Variants in RNF182 observed in about 807,000 individuals in gnomAD.
The protein encoded by RNF182 is E3 ubiquitin-protein ligase RNF182.
Under a neutral mutation model 14.4 loss-of-function variants are expected in RNF182, and 15 were observed. That is an observed-to-expected ratio of 1.04 (90% confidence interval 0.70 to 1.60). RNF182 has a LOEUF of 1.60. Among genes scored for constraint, RNF182 ranks in the 40% most tolerant of loss-of-function variants. The probability of loss-of-function intolerance (pLI) is 0.00; values close to 1 mark genes in which losing one functional copy is unlikely to be tolerated. For missense variants in RNF182, 268 were observed against 294.8 expected (o/e 0.91, Z 0.67); for synonymous variants, 128 against 122.9 (o/e 1.04, Z -0.27).
chr6:13,930,901 A>G (rs1758953241), intron 1 of RNF182, among the ~76,000 whole-genome samples: 2 of 152,238 alleles, frequency 1.3e-5, no homozygotes, highest in Admixed American at 1.3e-4. Flanking sequence ...TTGTGTGGAT[A>G]AACCACAATC....
chr6:13,977,732 G>T lies in RNF182; in HGVS notation c.613G>T (p.Val205Leu). 6.2e-6 allele frequency: 10 copies of T among 1,614,128 alleles called. No individual in the cohort carries two copies. The highest frequency in any genetic ancestry group is 7.6e-6 in the Non-Finnish European group (9 of 1,180,028). ...SSLPLGIYLL[V>L]SKKVTLGVVF... is the part of the protein sequence containing the mutation. ...CTTACCCTTAGGAATCTACTTACTGGTGTCTAAGAAAGTCACCCTTGGGGT... is the reference window on the plus strand; with the variant it reads ...CTTACCCTTAGGAATCTACTTACTGTTGTCTAAGAAAGTCACCCTTGGGGT... Residue 205 changes from valine to leucine, a missense_variant, in exon 3 of 3, where the codon GTG becomes TTG. By Grantham distance (32) the Val-to-Leu change is conservative (BLOSUM62 1). Coordinates refer to ENST00000488300, the MANE Select transcript of RNF182 (RefSeq NM_152737.4).
rs569412123 is a variant in RNF182 at position 13,978,443 on chromosome 6, A to G, written c.*580A>G. 6.0e-6 allele frequency: 1 copy of G among 166,276 alleles called. No individual in the cohort carries two copies. The highest frequency in any genetic ancestry group is 2.4e-5 in the African/African-American group (1 of 41,538). The allele number at this position is 166,276 out of a possible 1,614,324, so 10.3% of individuals were successfully genotyped here. A position where few individuals can be genotyped will look rare whatever the true frequency, so the allele number is the denominator to read the frequency against. On this transcript the variant is annotated 3_prime_UTR_variant, in exon 3 of 3. Coordinates refer to ENST00000488300, the MANE Select transcript of RNF182 (RefSeq NM_152737.4). ...CCATTCCCTTGGGTAGTTTCAACTGAATACCAGTTTTGCCACATTACTAAG... is the reference window on the plus strand; with the variant it reads ...CCATTCCCTTGGGTAGTTTCAACTGGATACCAGTTTTGCCACATTACTAAG...
chr6:13,967,470 A>T (rs1265270849), intron 1 of RNF182, among the ~76,000 whole-genome samples: 1 of 152,240 alleles, frequency 6.6e-6, no homozygotes, highest in Non-Finnish European at 1.5e-5. Context: ...ATAACCTTGC[A>T]CATACCTTGA....
intron 2 of RNF182, among the ~76,000 whole-genome samples, chr6:13,974,806 C>CT (rs1426680470): frequency 6.6e-6 from 1 of 152,180 alleles, no homozygotes; most frequent in African/African-American, 2.4e-5. Context: ...CTGTTTTACT[C>CT]TTTTTTTCTG....
intron 1 of RNF182, among the ~76,000 whole-genome samples, chr6:13,940,167 G>A (rs963049432): frequency 3.3e-5 from 5 of 152,102 alleles, no homozygotes; most frequent in South Asian, 2.1e-4. Context: ...CCTTTTTATC[G>A]ATTAAGAAGA....
chr6:13,952,554 G>A (rs900578112), intron 1 of RNF182, among the ~76,000 whole-genome samples: 6 of 152,062 alleles, frequency 3.9e-5, no homozygotes, highest in South Asian at 2.1e-4. Flanking sequence ...TGTATCCTAC[G>A]GTTTATCCAA....
chr6:13,931,453 G>C (rs1046147360), intron 1 of RNF182, among the ~76,000 whole-genome samples: 1 of 152,140 alleles, frequency 6.6e-6, no homozygotes, highest in African/African-American at 2.4e-5. Flanking sequence ...TATCAGGGAT[G>C]AAGTTAGAAG....
chr6:13,948,831 A>G (rs1759504783), intron 1 of RNF182, among the ~76,000 whole-genome samples: 1 of 152,202 alleles, frequency 6.6e-6, no homozygotes, highest in Non-Finnish European at 1.5e-5. Flanking sequence ...AGCTTTCCAA[A>G]TAATGTCTCT....
At chr6:13,943,200 A>G (rs1759343077) in intron 1 of RNF182, among the ~76,000 whole-genome samples, 1 of 152,198 alleles carries the variant, frequency 6.6e-6, no homozygotes. Context: ...ATATTTAATA[A>G]CATATATATC....
chr6:13,978,075 C>CGGCG lies in RNF182; in HGVS notation c.*212_*213insGGCG. On this transcript the variant is annotated 3_prime_UTR_variant, in exon 3 of 3. Transcript: ENST00000488300. Reference sequence around the variant, plus strand: ...GGGTTAGCAAAATTGTATAAGCTCACACTTCATGGAGCACTGACAGCAGTG... The same window carrying CGGCG: ...GGGTTAGCAAAATTGTATAAGCTCACGGCGACTTCATGGAGCACTGACAGCAGTG... 6 of 532,610 alleles carry CGGCG rather than the reference C, an allele frequency of 1.1e-5. No individual in the cohort carries two copies. Among genetic ancestry groups the CGGCG allele is most frequent in the South Asian group, 5.5e-5 (2 of 36,058 alleles). The allele number at this position is 532,610 out of a possible 1,614,324, so 33.0% of individuals were successfully genotyped here.
Position 13,924,957 on chromosome 6 carries a change from C to A in RNF182, c.-433C>A. On this transcript the variant is annotated 5_prime_UTR_variant, in exon 1 of 3. Coordinates refer to ENST00000488300, the MANE Select transcript of RNF182 (RefSeq NM_152737.4). ...CGCGCGAGCTCCTCCTCCACGGGAA[C>A]CTCCCTCCCCTCCCAGGCGCCGCCG... The A allele has an allele frequency of 1.2e-5, 1 of 82,554 alleles. No homozygotes were observed. 5.1% of individuals were successfully genotyped at this position (82,554 alleles called of 1,614,324 possible).
chr6:13,968,511 A>G (rs1760093634), intron 1 of RNF182, among the ~76,000 whole-genome samples: 1 of 152,248 alleles, frequency 6.6e-6, no homozygotes, highest in South Asian at 2.1e-4. Context: ...TTTTATCAGT[A>G]TTTAAACTGT....
At chr6:13,940,772 T>G (rs543352205) in intron 1 of RNF182, among the ~76,000 whole-genome samples, 17 of 152,252 alleles carry the variant, frequency 1.1e-4, no homozygotes, top group African/African-American at 3.6e-4. Context: ...GCTCTTAAAT[T>G]CTGTCACATT....
chr6:13,973,347 T>G (rs1212894930), intron 1 of RNF182, among the ~76,000 whole-genome samples: 1 of 152,142 alleles, frequency 6.6e-6, no homozygotes, highest in Non-Finnish European at 1.5e-5. Context: ...TGAAATGAGT[T>G]AAGACATTGG....
chr6:13,949,392 C>T, intron 1 of RNF182: 2 of 748,064 alleles, frequency 2.7e-6, no homozygotes, highest in Non-Finnish European at 5.0e-6. Context: ...TTCATTTGTA[C>T]ACAAAAAGGC....
intron 1 of RNF182, among the ~76,000 whole-genome samples, chr6:13,957,292 C>T (rs189941606): frequency 1.3e-5 from 2 of 152,252 alleles, no homozygotes; most frequent in Admixed American, 1.3e-4. Flanking sequence ...GGCTGTGTTG[C>T]AAAGTGACAC....
chr6:13,953,696 G>A (rs930793862), intron 1 of RNF182, among the ~76,000 whole-genome samples: 1 of 152,140 alleles, frequency 6.6e-6, no homozygotes, highest in African/African-American at 2.4e-5. Context: ...TAAGGAGTGG[G>A]AATGAGGAAC....
chr6:13,934,055 C>T (rs1003932489), intron 1 of RNF182, among the ~76,000 whole-genome samples: 2 of 152,036 alleles, frequency 1.3e-5, no homozygotes, highest in Non-Finnish European at 2.9e-5. Context: ...GAAATGTGGC[C>T]TTACCAAAAA....
intron 1 of RNF182, among the ~76,000 whole-genome samples, chr6:13,955,305 G>T (rs956882110): frequency 3.3e-5 from 5 of 152,178 alleles, no homozygotes; most frequent in African/African-American, 1.2e-4. Context: ...GGATTACACA[G>T]TAATACAATT....
Sources: allele counts gnomAD v4.1 joint callset (sites outside exome capture counted in the v4.1 genomes callset), GRCh38; gene constraint gnomAD v4.1.1; transcripts MANE v1.5; gene names NCBI Gene and HGNC (gene_info 2026-07-23, HGNC 2026-07-21).